The following SENP6 variants were observed in gnomAD, a reference collection of about 807,000 sequenced individuals.
The protein encoded by SENP6 is sentrin-specific protease 6.
In SENP6, 41 loss-of-function variants were observed where a neutral mutation model predicts 134.5. The ratio of observed to expected loss-of-function variants is 0.30; its 90% confidence interval spans 0.24 to 0.40. The LOEUF (loss-of-function observed/expected upper bound fraction) is 0.40. SENP6 is among the 10% of genes least tolerant of loss of function. SENP6 has a pLI of 1.00. For missense variants in SENP6, 1,248 were observed against 1,312.5 expected (o/e 0.95, Z 0.76); for synonymous variants, 395 against 429.8 (o/e 0.92, Z 1.00).
chr6:75,605,607 A>G (rs1272501372), intron 1 of SENP6, among the ~76,000 whole-genome samples: 1 of 152,214 alleles, frequency 6.6e-6, no homozygotes, highest in East Asian at 1.9e-4. Flanking sequence ...AGAATATGGC[A>G]GAGGGGATGC....
At chr6:75,652,696 A>AAAAAAAAAAAAAAAAAAAAAAAAAAAAAG in intron 7 of SENP6, among the ~76,000 whole-genome samples, 1 of 148,716 alleles carries the variant, frequency 6.7e-6, no homozygotes. Context: ...AAAAAAAAAA[A>AAAAAAAAAAAAAAAAAAAAAAAAAAAAAG]AAAAAAAGAA....
At chr6:75,605,208 T>C (rs1028529256) in intron 1 of SENP6, among the ~76,000 whole-genome samples, 6 of 152,374 alleles carry the variant, frequency 3.9e-5, no homozygotes, top group African/African-American at 1.4e-4. Context: ...CTTTCTTTAC[T>C]TTCCAGTCGA....
intron 23 of SENP6, among the ~76,000 whole-genome samples, 159 bp from the exon 24 acceptor site, chr6:75,715,226 C>G (rs1054122653): frequency 1.3e-5 from 2 of 152,104 alleles, no homozygotes; most frequent in Non-Finnish European, 2.9e-5. Context: ...TCTTGTATCT[C>G]CAATACCTAA....
At chr6:75,672,694 A>G (rs1025535087) in intron 11 of SENP6, among the ~76,000 whole-genome samples, 1 of 152,222 alleles carries the variant, frequency 6.6e-6, no homozygotes, top group Non-Finnish European at 1.5e-5. Flanking sequence ...CCAAGTTATG[A>G]TTAATCTGAG....
rs368687851 is a variant in SENP6, at chr6:75,663,414, C to T, written c.890C>T (p.Thr297Ile). The change falls in exon 9 of 24, where the codon ACT becomes ATT. Residue 297 changes from threonine to isoleucine, a missense_variant. This residue lies in a region of SENP6 where 733 missense variants were observed against 725.4 expected (regional missense o/e 1.01). Transcript: ENST00000447266. Reference sequence around the variant, plus strand: ...GTGAATTGTGATGACAGTAAACACACTTATTTACAGACTAATGGAAAAGTC... The same window carrying T: ...GTGAATTGTGATGACAGTAAACACATTTATTTACAGACTAATGGAAAAGTC... Reference protein sequence around the residue: ...IIVNCDDSKHTYLQTNGKVIL... With the variant: ...IIVNCDDSKHIYLQTNGKVIL... 4.3e-6 allele frequency: 7 copies of T among 1,613,084 alleles called. No individual in the cohort carries two copies. The highest frequency in any genetic ancestry group is 4.0e-5 in the African/African-American group (3 of 74,858).
intron 1 of SENP6, among the ~76,000 whole-genome samples, chr6:75,613,658 C>CT (rs557150890): frequency 5.7e-4 from 83 of 145,522 alleles, no homozygotes; most frequent in East Asian, 2.6e-3. Flanking sequence ...AAAGCACTAG[C>CT]TTTTTTTTTT....
intron 18 of SENP6, among the ~76,000 whole-genome samples, chr6:75,698,823 G>T (rs796077960): frequency 1.3e-5 from 2 of 151,718 alleles, no homozygotes; most frequent in Non-Finnish European, 2.9e-5. Flanking sequence ...CCAACCTGGC[G>T]AACATGGCGA....
At chr6:75,679,997 C>T (rs537166122) in intron 16 of SENP6, 1 of 152,142 alleles carries the variant, frequency 6.6e-6, no homozygotes, top group East Asian at 1.9e-4. Flanking sequence ...TCTGTTAAGA[C>T]CATTTTGATA....
chr6:75,623,874 T>G, intron 2 of SENP6, 26 bp from the exon 3 acceptor site: 1 of 1,575,628 alleles, frequency 6.3e-7, no homozygotes, highest in Non-Finnish European at 8.6e-7. Flanking sequence ...GCTACTTATG[T>G]TTTTTTCCCC....
chr6:75,636,116 A>G (rs146750900), intron 5 of SENP6, among the ~76,000 whole-genome samples: 92 of 152,300 alleles, frequency 6.0e-4, no homozygotes, highest in African/African-American at 2.0e-3. Flanking sequence ...CTCAACACCT[A>G]TAACATTTTG....
At chr6:75,702,529 T>C in intron 18 of SENP6, 116 bp from the exon 19 acceptor site, 1 of 1,047,712 alleles carries the variant, frequency 9.5e-7, no homozygotes, top group Non-Finnish European at 1.3e-6. Context: ...GAATTAGGCA[T>C]TTTTAATAAA....
intron 1 of SENP6, 94 bp from the exon 2 acceptor site, chr6:75,621,438 C>G: frequency 1.3e-6 from 1 of 756,578 alleles, no homozygotes. Flanking sequence ...AAAACAAAAT[C>G]TAGAATAATC....
intron 18 of SENP6, among the ~76,000 whole-genome samples, chr6:75,698,881 C>T (rs767008820): frequency 2.0e-5 from 3 of 151,626 alleles, no homozygotes; most frequent in Non-Finnish European, 4.4e-5. Flanking sequence ...CGTGGTGGTG[C>T]GTGCCTGTAA....
chr6:75,663,194 C>G (rs1265882318), intron 8 of SENP6, 27 bp from the exon 9 acceptor site: 1 of 1,591,930 alleles, frequency 6.3e-7, no homozygotes, highest in South Asian at 1.2e-5. Flanking sequence ...GACCAAATGC[C>G]AAAGTTGTGG....
intron 5 of SENP6, 73 bp downstream of exon 5, chr6:75,634,884 A>AT (rs1465958325): frequency 2.1e-6 from 2 of 969,642 alleles, no homozygotes; most frequent in South Asian, 1.4e-5. Flanking sequence ...TTTTTTAACC[A>AT]TTTTTTTCCT....
chr6:75,618,938 C>CT (rs1030136255), intron 1 of SENP6, among the ~76,000 whole-genome samples: 126 of 139,490 alleles, frequency 9.0e-4, no homozygotes, highest in East Asian at 6.8e-3. Context: ...ATTTCTGAAA[C>CT]TTTTTTTTTT....
intron 10 of SENP6, among the ~76,000 whole-genome samples, chr6:75,667,232 A>G (rs1164562130): frequency 6.6e-6 from 1 of 152,212 alleles, no homozygotes; most frequent in Non-Finnish European, 1.5e-5. Context: ...AGAGGAGAGA[A>G]GTCATTTTGA....
intron 6 of SENP6, chr6:75,644,172 ATTC>A (rs1156997229): frequency 2.0e-5 from 3 of 152,122 alleles, no homozygotes; most frequent in Non-Finnish European, 4.4e-5. Context: ...AGCATTTCAT[ATTC>A]TTGTAAACTG....
chr6:75,694,453 T>C (rs969669316), intron 16 of SENP6, among the ~76,000 whole-genome samples: 4 of 152,234 alleles, frequency 2.6e-5, no homozygotes, highest in Admixed American at 6.5e-5. Context: ...TTAGATATAA[T>C]ACATATAACA....
Sources: allele counts gnomAD v4.1 joint callset (sites outside exome capture counted in the v4.1 genomes callset), GRCh38; gene constraint gnomAD v4.1.1; regional missense constraint gnomAD v4.1.1; transcripts MANE v1.5; gene names NCBI Gene and HGNC (gene_info 2026-07-23, HGNC 2026-07-21).